The following PSMD12 variants were observed in gnomAD, a reference collection of about 807,000 sequenced individuals.
PSMD12 encodes proteasome 26S subunit, non-ATPase 12, also known as 26S proteasome non-ATPase regulatory subunit 12.
Under a neutral mutation model 62.9 loss-of-function variants are expected in PSMD12, and 8 were observed. That is an observed-to-expected ratio of 0.13 (90% confidence interval 0.07 to 0.23). PSMD12 has a LOEUF of 0.23. Among genes scored for constraint, PSMD12 ranks in the 10% least tolerant of loss-of-function variants. The probability of loss-of-function intolerance (pLI) is 1.00; values close to 1 mark genes in which losing one functional copy is unlikely to be tolerated. For synonymous variants in PSMD12, 173 were observed against 187.4 expected, an observed-to-expected ratio of 0.92 and a Z score of 0.63; for missense variants, 424 against 550.2, an observed-to-expected ratio of 0.77 and a Z score of 2.29.
rs368712725 is a variant in PSMD12 at position 67,347,401 on chromosome 17, A to T, written c.595T>A (p.Tyr199Asn). The change falls in exon 6 of 11, where the codon TAC (tyrosine) becomes AAC (asparagine). Residue 199 changes from tyrosine to asparagine, a missense_variant. Transcript: ENST00000356126. Reference protein sequence around the residue: ...QMRLCLAVKDYIRTQIISKKI... With the variant: ...QMRLCLAVKDNIRTQIISKKI... ...TTGCTGATGATTTGTGTTCGAATGT[A>T]ATCCTTCACAGCTAGGCAGAGCCTC... 1.2e-5 allele frequency: 20 copies of T among 1,613,848 alleles called. No homozygotes were observed. The African/African-American group carries it at 2.1e-4, about 17-fold the overall frequency.
At chr17:67,354,884 G>A (rs1192466847) in intron 3 of PSMD12, among the ~76,000 whole-genome samples, 1 of 151,876 alleles carries the variant, frequency 6.6e-6, no homozygotes, top group African/African-American at 2.4e-5. Context: ...CAGCTACTTG[G>A]GAGGCTCAGG....
chr17:67,352,185 T>G (rs2042025180), intron 3 of PSMD12, among the ~76,000 whole-genome samples: 1 of 152,030 alleles, frequency 6.6e-6, no homozygotes, highest in Non-Finnish European at 1.5e-5. Flanking sequence ...CTCAAATTCC[T>G]GGGCTCATGT....
Position 67,342,279 on chromosome 17 carries a change from A to G in PSMD12, c.1084-16T>C, listed in dbSNP as rs762164214. 9 of 1,482,348 alleles carry G rather than the reference A, an allele frequency of 6.1e-6. No homozygotes were observed. Among genetic ancestry groups the G allele is most frequent in the Admixed American group, 3.5e-5 (2 of 56,868 alleles). 91.8% of individuals were successfully genotyped at this position (1,482,348 alleles called of 1,614,324 possible). On this transcript the variant is annotated splice_polypyrimidine_tract_variant and intron_variant, in intron 9 of 10. Transcript: ENST00000356126. Reference sequence around the variant, plus strand: ...TTCTAATATTCTGGGGAGAGGATAGAGAGCAGGGAGAACACGTAACATTTG... The same window carrying G: ...TTCTAATATTCTGGGGAGAGGATAGGGAGCAGGGAGAACACGTAACATTTG...
chr17:67,341,733 C>T (rs753411756), intron 10 of PSMD12, among the ~76,000 whole-genome samples: 21 of 152,164 alleles, frequency 1.4e-4, no homozygotes, highest in Non-Finnish European at 2.6e-4. Flanking sequence ...AGAATATATG[C>T]TCTGCTACTT....
chr17:67,350,439 T>A (rs1336313898), intron 3 of PSMD12, 103 bp from the exon 4 acceptor site: 1 of 746,318 alleles, frequency 1.3e-6, no homozygotes, highest in African/African-American at 1.8e-5. Flanking sequence ...TCTTCCCAAG[T>A]AACTCTAGAC....
Position 67,347,157 on chromosome 17 carries a change from C to T in PSMD12, c.754G>A (p.Asp252Asn), listed in dbSNP as rs755681447. ...SICKHYRAIY[D>N]TPCIQAESEK... ...CTTTCTGCCTGTATACAGGGAGTAT[C>T]ATATATTGCTCTGTAGTGCTTACAA... is the stretch of plus-strand genomic sequence containing the variant. Residue 252 changes from aspartate (D) to asparagine (N), a missense_variant, in exon 7 of 11, where the codon GAT becomes AAT. Transcript: ENST00000356126. The T allele has an allele frequency of 2.5e-6, 4 of 1,613,224 alleles. No homozygotes were observed. Among genetic ancestry groups the T allele is most frequent in the Non-Finnish European group, 3.4e-6 (4 of 1,179,458 alleles).
intron 3 of PSMD12, among the ~76,000 whole-genome samples, chr17:67,353,736 T>A (rs1218829954): frequency 6.6e-6 from 1 of 152,202 alleles, no homozygotes; most frequent in Non-Finnish European, 1.5e-5. Context: ...CTAAGAACTT[T>A]CCATAGCTAT....
intron 9 of PSMD12, 133 bp from the exon 10 acceptor site, chr17:67,342,396 C>T (rs2041923480): frequency 3.3e-6 from 2 of 612,920 alleles, no homozygotes; most frequent in East Asian, 5.5e-5. Flanking sequence ...CAGTCCATCA[C>T]TGGAGCAAAG....
At chr17:67,355,990 AC>A (rs2042066305) in intron 3 of PSMD12, among the ~76,000 whole-genome samples, 1 of 150,864 alleles carries the variant, frequency 6.6e-6, no homozygotes, top group Non-Finnish European at 1.5e-5. Flanking sequence ...ACACACACAC[AC>A]ACACACACAC....
rs577817437 is a variant in PSMD12 at position 67,363,156 on chromosome 17, C to CT, written c.108+3255dup. On this transcript the variant is annotated intron_variant, in intron 1 of 10. Coordinates refer to ENST00000356126, the MANE Select transcript of PSMD12 (RefSeq NM_002816.5). ...TACATTATTAAGTCTCTATATACAA[C>CT]TTTTTTTTTTTAAGAGATAAGGTCT... 7.6e-3 allele frequency among the ~76,000 whole-genome samples: 1,119 copies of CT among 147,704 alleles called. 9 individuals carry two copies. The highest frequency in any genetic ancestry group is 0.038 in the Middle Eastern group (11 of 288).
chr17:67,340,635 A>G lies in PSMD12; in HGVS notation c.*208T>C. 1 of 451,986 alleles carries G rather than the reference A, an allele frequency of 2.2e-6. No homozygotes were observed. Among genetic ancestry groups the G allele is most frequent in the Non-Finnish European group, 3.8e-6 (1 of 262,220 alleles). The allele number at this position is 451,986 out of a possible 1,614,324, so 28.0% of individuals were successfully genotyped here. The stretch of plus-strand genomic sequence containing the variant: ...ACACAACTTTTTGTGTATTCAGACG[A>G]CAGAAATCTGTATTTTTGCACCAAT... On this transcript the variant is annotated 3_prime_UTR_variant, in exon 11 of 11. Transcript: ENST00000356126.
chr17:67,340,765 A>C lies in PSMD12; in HGVS notation c.*78T>G, dbSNP rs1465527058. 1.8e-5 allele frequency: 21 copies of C among 1,167,624 alleles called. No homozygotes were observed. Among genetic ancestry groups the C allele is most frequent in the African/African-American group, 3.3e-5 (2 of 60,994 alleles). 72.3% of individuals were successfully genotyped at this position (1,167,624 alleles called of 1,614,324 possible). A position where few individuals can be genotyped will look rare whatever the true frequency, so the allele number is the denominator to read the frequency against. On this transcript the variant is annotated 3_prime_UTR_variant, in exon 11 of 11. Coordinates refer to ENST00000356126, the MANE Select transcript of PSMD12 (RefSeq NM_002816.5). ...TAAGACAAAGAAGCTTAGAAAAAAA[A>C]CCCCAACATATACACCATTATAACA...
chr17:67,347,056 A>G, intron 7 of PSMD12, 60 bp downstream of exon 7: 8 of 1,517,432 alleles, frequency 5.3e-6, no homozygotes, highest in Non-Finnish European at 7.1e-6. Flanking sequence ...TTTGAAAATA[A>G]AAAAAGCAAA....
chr17:67,340,045 A>G lies in PSMD12; in HGVS notation c.*798T>C, dbSNP rs1011857385. ...AAATAAGCCTTATAAAAACAACTTT[A>G]TGTTAAATTTAAACCCATATAAAGA... On this transcript the variant is annotated 3_prime_UTR_variant, in exon 11 of 11. Coordinates refer to ENST00000356126, the MANE Select transcript of PSMD12 (RefSeq NM_002816.5). 7.0e-6 allele frequency: 1 copy of G among 143,174 alleles called. No individual in the cohort carries two copies. 8.9% of individuals were successfully genotyped at this position (143,174 alleles called of 1,614,324 possible). A position where few individuals can be genotyped will look rare whatever the true frequency, so the allele number is the denominator to read the frequency against.
At chr17:67,365,502 G>A (rs1008032920) in intron 1 of PSMD12, among the ~76,000 whole-genome samples, 16 of 152,194 alleles carry the variant, frequency 1.1e-4, no homozygotes, top group Admixed American at 2.0e-4. Flanking sequence ...ATTGTTATCT[G>A]TCTGGCATTG....
chr17:67,360,693 G>T (rs2042120955), intron 1 of PSMD12, among the ~76,000 whole-genome samples: 1 of 152,116 alleles, frequency 6.6e-6, no homozygotes, highest in African/African-American at 2.4e-5. Flanking sequence ...CTCCTAAGTG[G>T]TCTACAAGTT....
chr17:67,353,345 C>T (rs1307899238), intron 3 of PSMD12, among the ~76,000 whole-genome samples: 1 of 144,496 alleles, frequency 6.9e-6, no homozygotes, highest in African/African-American at 2.5e-5. Flanking sequence ...GAGACAGTCT[C>T]ACTCTGTCGC....
chr17:67,351,058 T>C (rs2042012541), intron 3 of PSMD12, among the ~76,000 whole-genome samples: 1 of 152,142 alleles, frequency 6.6e-6, no homozygotes, highest in Admixed American at 6.6e-5. Context: ...TTTGCCAATG[T>C]TTGATCTAGA....
At chr17:67,358,567 C>CAAAAAAAAAAAAAAAAAAA (rs398039153) in intron 1 of PSMD12, among the ~76,000 whole-genome samples, 66 of 74,000 alleles carry the variant, frequency 8.9e-4, no homozygotes, top group Non-Finnish European at 1.2e-3. Context: ...GAACCTGTCT[C>CAAAAAAAAAAAAAAAAAAA]AAAAAAAAAA....
Sources: gnomAD v4.1 joint callset for allele counts (sites outside exome capture counted in the v4.1 genomes callset) on GRCh38, gnomAD v4.1.1 for gene constraint, MANE v1.5 for transcripts, NCBI Gene and HGNC (gene_info 2026-07-23, HGNC 2026-07-21) for gene names.